Variants in MATCAP2 observed in about 807,000 individuals in gnomAD.
The protein encoded by MATCAP2 is microtubule associated tyrosine carboxypeptidase 2, also known as putative tyrosine carboxypeptidase MATCAP2.
the MATCAP2 span, among the ~76,000 whole-genome samples, chr7:36,379,514 CT>C: frequency 2.0e-5 from 3 of 151,750 alleles, no homozygotes; most frequent in Non-Finnish European, 4.4e-5. Context: ...ACATACATGA[CT>C]TTTTTTCTGA....
the MATCAP2 span, among the ~76,000 whole-genome samples, chr7:36,371,092 G>T: frequency 2.6e-5 from 4 of 152,058 alleles, no homozygotes; most frequent in Admixed American, 1.3e-4. Context: ...TATAGGTAAA[G>T]AACGTATTTA....
chr7:36,369,805 A>G, the MATCAP2 span, among the ~76,000 whole-genome samples: 1 of 152,178 alleles, frequency 6.6e-6, no homozygotes, highest in African/African-American at 2.4e-5. Flanking sequence ...ATACATATAA[A>G]AATTAGAAAA....
chr7:36,343,671 AAAGGAAGGAAGGAAAGAAGG>A, the MATCAP2 span, among the ~76,000 whole-genome samples: 1 of 150,200 alleles, frequency 6.7e-6, no homozygotes, highest in Non-Finnish European at 1.5e-5. Flanking sequence ...GAAAGAAAGT[AAAGGAAGGAAGGAAAGAAGG>A]AAGGAAGGAA....
At chr7:36,389,846 A>T in the MATCAP2 span, 1 of 1,147,620 alleles carries the variant, frequency 8.7e-7, no homozygotes, top group Non-Finnish European at 1.2e-6. Flanking sequence ...TTCAAATTTG[A>T]ACGGCTGCAG....
At chr7:36,358,464 T>C in the MATCAP2 span, among the ~76,000 whole-genome samples, 2 of 152,338 alleles carry the variant, frequency 1.3e-5, no homozygotes, top group South Asian at 4.1e-4. Flanking sequence ...TTCTAAGCTG[T>C]ACGTTAAGGT....
chr7:36,388,771 G>C, the MATCAP2 span, among the ~76,000 whole-genome samples: 1 of 152,136 alleles, frequency 6.6e-6, no homozygotes, highest in Admixed American at 6.6e-5. Context: ...TAACGTTTTC[G>C]GGTGTCCCTT....
At chr7:36,386,467 G>GTGTGTGTT in the MATCAP2 span, among the ~76,000 whole-genome samples, 6 of 151,938 alleles carry the variant, frequency 3.9e-5, no homozygotes, top group Non-Finnish European at 7.4e-5. Flanking sequence ...GTGTGTGTGT[G>GTGTGTGTT]TGTGTATCAT....
chr7:36,379,515 T>A, the MATCAP2 span, among the ~76,000 whole-genome samples: 1 of 152,066 alleles, frequency 6.6e-6, no homozygotes, highest in Non-Finnish European at 1.5e-5. Flanking sequence ...CATACATGAC[T>A]TTTTTTCTGA....
chr7:36,344,107 C>T, the MATCAP2 span, among the ~76,000 whole-genome samples: 1 of 152,154 alleles, frequency 6.6e-6, no homozygotes, highest in Non-Finnish European at 1.5e-5. Flanking sequence ...CTCTGAGACA[C>T]ATCAGGATGT....
chr7:36,357,202 G>C, the MATCAP2 span: 1 of 1,614,120 alleles, frequency 6.2e-7, no homozygotes, highest in Admixed American at 1.7e-5. Context: ...CTGTAACAGA[G>C]ATATCATGTG....
the MATCAP2 span, among the ~76,000 whole-genome samples, chr7:36,329,611 G>T: frequency 2.6e-5 from 4 of 152,324 alleles, no homozygotes; most frequent in East Asian, 5.8e-4. Flanking sequence ...GTTGAATAAA[G>T]TAAGTCCAAT....
At chr7:36,358,337 A>AAAG in the MATCAP2 span, among the ~76,000 whole-genome samples, 1 of 152,214 alleles carries the variant, frequency 6.6e-6, no homozygotes, top group South Asian at 2.1e-4. Flanking sequence ...GCTATCAGTA[A>AAAG]AAGGACAACA....
At chr7:36,366,113 T>A in the MATCAP2 span, among the ~76,000 whole-genome samples, 1 of 152,238 alleles carries the variant, frequency 6.6e-6, no homozygotes, top group East Asian at 1.9e-4. Flanking sequence ...TCCGGCTTTA[T>A]TTTGGCACTA....
At chr7:36,337,125 A>AAAAAAAAAAAAACAAAAAAAC in the MATCAP2 span, among the ~76,000 whole-genome samples, 1 of 145,554 alleles carries the variant, frequency 6.9e-6, no homozygotes, top group Non-Finnish European at 1.5e-5. Flanking sequence ...AAAAAAAAAA[A>AAAAAAAAAAAAACAAAAAAAC]GCAATCAGTC....
chr7:36,379,837 C>CAGAGAGAGAG, the MATCAP2 span, among the ~76,000 whole-genome samples: 1 of 131,308 alleles, frequency 7.6e-6, no homozygotes, highest in Non-Finnish European at 1.7e-5. Context: ...CACACACACA[C>CAGAGAGAGAG]ACACACACAC....
At chr7:36,382,715 G>A in the MATCAP2 span, among the ~76,000 whole-genome samples, 1 of 152,134 alleles carries the variant, frequency 6.6e-6, no homozygotes, top group African/African-American at 2.4e-5. Context: ...GGATGGTCTC[G>A]ATCTCCTGAC....
At chr7:36,374,620 T>C in the MATCAP2 span, among the ~76,000 whole-genome samples, 4 of 152,138 alleles carry the variant, frequency 2.6e-5, no homozygotes, top group African/African-American at 7.2e-5. Context: ...ACATGTGCCA[T>C]GTTGGTTTGC....
chr7:36,344,531 A>G, the MATCAP2 span, among the ~76,000 whole-genome samples: 2 of 152,194 alleles, frequency 1.3e-5, no homozygotes, highest in Admixed American at 1.3e-4. Flanking sequence ...TACTGAATAT[A>G]AACTACTTTT....
chr7:36,353,799 G>A, the MATCAP2 span, among the ~76,000 whole-genome samples: 2 of 152,056 alleles, frequency 1.3e-5, no homozygotes, highest in Non-Finnish European at 2.9e-5. Flanking sequence ...TATTCTTAAA[G>A]TATCCATTTT....
Sources: gnomAD v4.1 joint callset for allele counts (sites outside exome capture counted in the v4.1 genomes callset) on GRCh38, gnomAD v4.1.1 for gene constraint, MANE v1.5 for transcripts, NCBI Gene and HGNC (gene_info 2026-07-23, HGNC 2026-07-21) for gene names.